The following HERC3 variants were observed in gnomAD, a reference collection of about 807,000 sequenced individuals.
The protein encoded by HERC3 is HECT and RLD domain containing E3 ubiquitin protein ligase 3, also known as probable E3 ubiquitin-protein ligase HERC3.
HERC3 carries 58 observed loss-of-function variants against 129.9 expected under a neutral mutation model. The ratio of observed to expected loss-of-function variants is 0.45; its 90% CI spans 0.36 to 0.56. The LOEUF is 0.56. HERC3 is among the 20% of genes least tolerant of loss of function. The pLI, the probability that HERC3 is intolerant of heterozygous loss-of-function variation, is 0.00. For missense variants in HERC3, 835 were observed against 1,244.2 expected (o/e 0.67, Z 4.95); for synonymous variants, 430 against 451.0 (o/e 0.95, Z 0.59).
rs1246684986 is a variant in HERC3 at position 88,608,704 on chromosome 4, CT to C, written c.226+2657del. 2.0e-4 allele frequency among the ~76,000 whole-genome samples: 31 copies of C among 152,212 alleles called. 1 individual carries two copies. Among genetic ancestry groups the C allele is most frequent in the Admixed American group, 2.0e-3 (30 of 15,280 alleles). On this transcript the variant is annotated intron_variant, in intron 3 of 25. Transcript: ENST00000402738. ...TTTCTTTTCCTCCTGTTAAAACTCACTTGTGTCTCACATTAAGCTCCTAAAT... is the reference window on the plus strand; with the variant it reads ...TTTCTTTTCCTCCTGTTAAAACTCACTGTGTCTCACATTAAGCTCCTAAAT...
intron 23 of HERC3, chr4:88,697,053 T>C: frequency 2.9e-6 from 2 of 678,248 alleles, no homozygotes; most frequent in Non-Finnish European, 4.7e-6. Context: ...AGGATCTAAT[T>C]GCTTTAATTT....
In HERC3 at chr4:88,664,214, T is replaced by G. The variant is rs1170087983; in HGVS notation, c.1331+2T>G. The G allele has an allele frequency of 6.2e-7, 1 of 1,611,806 alleles. No individual in the cohort carries two copies. The highest frequency in any genetic ancestry group is 8.5e-7 in the Non-Finnish European group (1 of 1,178,140). ...GAATGGAAGTTTTCTTGAAAAAAAGTAAGTGACTTAGAGCCTTAAAAAACC... is the reference window on the plus strand; with the variant it reads ...GAATGGAAGTTTTCTTGAAAAAAAGGAAGTGACTTAGAGCCTTAAAAAACC... On this transcript the variant is annotated splice_donor_variant, in intron 12 of 25. Transcript: ENST00000402738. LOFTEE classifies it high-confidence loss of function.
At chr4:88,653,199 A>T (rs1729483389) in intron 6 of HERC3, 109 bp downstream of exon 6, 1 of 1,048,978 alleles carries the variant, frequency 9.5e-7, no homozygotes, top group Non-Finnish European at 1.4e-6. Flanking sequence ...CTAAGGGAGA[A>T]GCAGTGAACA....
chr4:88,556,191 T>C, the HERC3 span, among the ~76,000 whole-genome samples: 7 of 152,152 alleles, frequency 4.6e-5, no homozygotes, highest in Non-Finnish European at 8.8e-5. Flanking sequence ...ATGAAGCATC[T>C]GGGTAGGAGC....
chr4:88,690,976 G>A (rs1050473932), intron 23 of HERC3, among the ~76,000 whole-genome samples: 3 of 152,198 alleles, frequency 2.0e-5, no homozygotes, highest in Non-Finnish European at 2.9e-5. Context: ...AAATTGGGTG[G>A]TTGAATCTGA....
At chr4:88,601,096 A>G (rs1034249323) in intron 2 of HERC3, among the ~76,000 whole-genome samples, 1 of 152,240 alleles carries the variant, frequency 6.6e-6, no homozygotes, top group Non-Finnish European at 1.5e-5. Context: ...GTTAATTCAA[A>G]GAATAACATT....
chr4:88,677,844 G>C lies in HERC3; in HGVS notation c.2026-120G>C, dbSNP rs1243363061. The C allele has an allele frequency of 3.8e-6, 3 of 792,150 alleles. No individual in the cohort carries two copies. In the East Asian group the frequency reaches 7.7e-5, roughly 20 times the overall value. The allele number at this position is 792,150 out of a possible 1,614,324, so 49.1% of individuals were successfully genotyped here. A position where few individuals can be genotyped will look rare whatever the true frequency, so the allele number is the denominator to read the frequency against. On this transcript the variant is annotated intron_variant, in intron 18 of 25. Transcript: ENST00000402738. The stretch of plus-strand genomic sequence containing the variant: ...TTAGAAAATCTGTGGAAGTTAAGAG[G>C]GAAAAAAATTAACAAAATGGAGATG...
intron 3 of HERC3, among the ~76,000 whole-genome samples, chr4:88,630,631 C>T (rs1397257611): frequency 6.6e-6 from 1 of 152,150 alleles, no homozygotes. Context: ...TTTGAAGGGA[C>T]TATTAGTATT....
At chr4:88,549,200 A>C in the HERC3 span, among the ~76,000 whole-genome samples, 3 of 152,086 alleles carry the variant, frequency 2.0e-5, no homozygotes, top group African/African-American at 7.2e-5. Context: ...ATTCCTTTGC[A>C]TGTGGATGCA....
the HERC3 span, among the ~76,000 whole-genome samples, chr4:88,548,666 T>C: frequency 6.8e-6 from 1 of 147,334 alleles, no homozygotes; most frequent in Non-Finnish European, 1.5e-5. Context: ...CATCTTTTCT[T>C]TTTTTTTTTT....
At chr4:88,603,977 A>G (rs2149188881) in intron 2 of HERC3, among the ~76,000 whole-genome samples, 1 of 152,314 alleles carries the variant, frequency 6.6e-6, no homozygotes, top group East Asian at 1.9e-4. Flanking sequence ...TTTAAAGACA[A>G]TTAAAAAATC....
the HERC3 span, among the ~76,000 whole-genome samples, chr4:88,542,605 G>A: frequency 6.6e-6 from 1 of 152,174 alleles, no homozygotes; most frequent in Admixed American, 6.5e-5. Flanking sequence ...GCATCATCCT[G>A]ATACCAAAGC....
chr4:88,654,813 G>T (rs1225550763), intron 7 of HERC3, among the ~76,000 whole-genome samples: 1 of 152,014 alleles, frequency 6.6e-6, no homozygotes, highest in Non-Finnish European at 1.5e-5. Context: ...AATTTGTAGA[G>T]CACCTAATTT....
At chr4:88,600,716 G>T (rs949925961) in intron 2 of HERC3, among the ~76,000 whole-genome samples, 16 of 152,174 alleles carry the variant, frequency 1.1e-4, no homozygotes, top group Non-Finnish European at 1.5e-4. Context: ...CAGATCAGCA[G>T]ATTTCCTGTT....
upstream of HERC3, among the ~76,000 whole-genome samples, chr4:88,591,185 G>C (rs970541461): frequency 4.6e-5 from 7 of 152,124 alleles, no homozygotes; most frequent in African/African-American, 1.4e-4. Flanking sequence ...GGGCCACCGC[G>C]CCTGGCCATC....
At chr4:88,570,804 A>G in the HERC3 span, among the ~76,000 whole-genome samples, 61,429 of 151,498 alleles carry the variant, frequency 0.41, 14,892 homozygotes, top group African/African-American at 0.69. Flanking sequence ...ACTGAGTCTC[A>G]CTCTGTCACC....
intron 23 of HERC3, chr4:88,697,518 G>A: frequency 1.2e-6 from 2 of 1,614,142 alleles, no homozygotes; most frequent in African/African-American, 1.3e-5. Context: ...CCAGGACTCG[G>A]CATTTCACCG....
the HERC3 span, among the ~76,000 whole-genome samples, chr4:88,537,448 A>T: frequency 6.6e-6 from 1 of 152,158 alleles, no homozygotes; most frequent in African/African-American, 2.4e-5. Context: ...TAAGTTACAC[A>T]TTTTTTGCCA....
At chr4:88,559,391 C>T in the HERC3 span, among the ~76,000 whole-genome samples, 1 of 152,136 alleles carries the variant, frequency 6.6e-6, no homozygotes, top group East Asian at 1.9e-4. Flanking sequence ...AGACATGATA[C>T]AAAGCAGATA....
Sources: allele counts gnomAD v4.1 joint callset (sites outside exome capture counted in the v4.1 genomes callset), GRCh38; gene constraint gnomAD v4.1.1; transcripts MANE v1.5; gene names NCBI Gene and HGNC (gene_info 2026-07-23, HGNC 2026-07-21).